MAPRE2: variants seen among roughly 807,000 people sequenced by gnomAD.
MAPRE2 encodes the protein microtubule associated protein RP/EB family member 2.
Under a neutral mutation model 43.2 loss-of-function variants are expected in MAPRE2, and 13 were observed. The ratio of observed to expected loss-of-function variants is 0.30; its 90% CI spans 0.20 to 0.48. MAPRE2 has a LOEUF of 0.48. Among genes scored for constraint, MAPRE2 ranks in the 20% least tolerant of loss-of-function variants. MAPRE2 has a pLI of 0.99. For missense variants in MAPRE2, 161 were observed against 400.2 expected, an observed-to-expected ratio of 0.40 and a Z score of 5.10; for synonymous variants, 135 against 148.8, an observed-to-expected ratio of 0.91 and a Z score of 0.68.
chr18:35,138,917 G>T (rs78787170), intron 6 of MAPRE2, among the ~76,000 whole-genome samples: 1,928 of 152,216 alleles, frequency 0.013, 41 homozygotes, highest in African/African-American at 0.044. Flanking sequence ...GATAGTCTCA[G>T]TCATTCATCC....
In MAPRE2 at chr18:35,142,833, C is replaced by T. The variant is rs887157892; in HGVS notation, c.*2464C>T. On this transcript the variant is annotated 3_prime_UTR_variant, in exon 7 of 7. Coordinates refer to ENST00000300249, the MANE Select transcript of MAPRE2 (RefSeq NM_014268.4). Reference sequence around the variant, plus strand: ...GTGGGACCCCATTATTCTCTCATCTCGGCATTCAGGGAACAGTTTCCTTAG... The same window carrying T: ...GTGGGACCCCATTATTCTCTCATCTTGGCATTCAGGGAACAGTTTCCTTAG... 6.6e-6 allele frequency: 1 copy of T among 152,148 alleles called. No individual in the cohort carries two copies. Among genetic ancestry groups the T allele is most frequent in the African/African-American group, 2.4e-5 (1 of 41,412 alleles). The allele number at this position is 152,148 out of a possible 1,614,324, so 9.4% of individuals were successfully genotyped here. A position where few individuals can be genotyped will look rare whatever the true frequency, so the allele number is the denominator to read the frequency against.
intron 2 of MAPRE2, 191 bp downstream of exon 2, chr18:35,070,513 G>A (rs1038086068): frequency 9.7e-6 from 4 of 413,932 alleles, no homozygotes; most frequent in African/African-American, 8.3e-5. Context: ...GCATCCAGGA[G>A]CACAAGCAGA....
At chr18:35,038,349 C>T (rs1887729038), upstream of MAPRE2, among the ~76,000 whole-genome samples, 3 of 152,212 alleles carry the variant, frequency 2.0e-5, no homozygotes, top group South Asian at 2.1e-4. Context: ...TAAGCCAACC[C>T]TCTCCTTAAC....
intron 2 of MAPRE2, among the ~76,000 whole-genome samples, chr18:35,007,587 G>A (rs1185735174): frequency 2.0e-5 from 3 of 152,200 alleles, no homozygotes; most frequent in South Asian, 2.1e-4. Context: ...ACAAAAACAG[G>A]CAATGGACTA....
chr18:35,060,865 C>T (rs1006119291), intron 1 of MAPRE2, among the ~76,000 whole-genome samples: 24 of 152,210 alleles, frequency 1.6e-4, no homozygotes, highest in Admixed American at 1.3e-3. Flanking sequence ...AGGTGACTTA[C>T]GGAATGTCCT....
intron 1 of MAPRE2, among the ~76,000 whole-genome samples, chr18:35,060,077 T>C (rs539242435): frequency 6.6e-6 from 1 of 152,212 alleles, no homozygotes; most frequent in Non-Finnish European, 1.5e-5. Context: ...GACTAACAAC[T>C]GAGCATGACC....
intron 1 of MAPRE2, among the ~76,000 whole-genome samples, chr18:34,988,292 T>C (rs1401542181): frequency 6.6e-6 from 1 of 152,198 alleles, no homozygotes; most frequent in Non-Finnish European, 1.5e-5. Flanking sequence ...CCTCACTTCT[T>C]TATGTCTGCT....
At chr18:35,099,561 G>A (rs1323402526) in intron 3 of MAPRE2, among the ~76,000 whole-genome samples, 7 of 152,170 alleles carry the variant, frequency 4.6e-5, no homozygotes, top group Non-Finnish European at 1.5e-5. Context: ...GCTGCAGTGA[G>A]GTATGGTTGT....
chr18:35,018,724 T>C (rs1182891354), intron 2 of MAPRE2, among the ~76,000 whole-genome samples: 1 of 151,958 alleles, frequency 6.6e-6, no homozygotes, highest in Admixed American at 6.6e-5. Flanking sequence ...TTTTCTGTGT[T>C]AATATAGCTA....
intron 5 of MAPRE2, among the ~76,000 whole-genome samples, chr18:35,130,409 C>G (rs1467118879): frequency 6.6e-6 from 1 of 152,118 alleles, no homozygotes; most frequent in Non-Finnish European, 1.5e-5. Context: ...TTGCAAGCAG[C>G]CACATGGGGG....
chr18:34,977,276 C>T (rs1450799071), intron 1 of MAPRE2, among the ~76,000 whole-genome samples: 1 of 152,140 alleles, frequency 6.6e-6, no homozygotes, highest in East Asian at 1.9e-4. Context: ...AGGCGGTCTC[C>T]GGGTGTGCAC....
At chr18:35,095,388 ACACACACACACACG>A (rs1908359587) in intron 2 of MAPRE2, among the ~76,000 whole-genome samples, 1 of 145,092 alleles carries the variant, frequency 6.9e-6, no homozygotes, top group Non-Finnish European at 1.5e-5. Flanking sequence ...ACACACACAC[ACACACACACACACG>A]CACACACACA....
chr18:35,085,861 C>T (rs1907850887), intron 2 of MAPRE2, among the ~76,000 whole-genome samples: 2 of 152,146 alleles, frequency 1.3e-5, no homozygotes, highest in African/African-American at 4.8e-5. Context: ...GATGAGAAGG[C>T]TCAGATCCAA....
chr18:35,110,191 ACTGT>A (rs1909115982), intron 4 of MAPRE2, among the ~76,000 whole-genome samples: 1 of 152,124 alleles, frequency 6.6e-6, no homozygotes, highest in Non-Finnish European at 1.5e-5. Context: ...TTAAACCTAC[ACTGT>A]CTAATACACG....
chr18:34,991,410 C>A (rs1008487589), intron 1 of MAPRE2, among the ~76,000 whole-genome samples: 1 of 152,172 alleles, frequency 6.6e-6, no homozygotes, highest in Non-Finnish European at 1.5e-5. Flanking sequence ...AAACAAGAAA[C>A]GTCTGTCCTA....
chr18:35,080,550 G>A, intron 2 of MAPRE2, among the ~76,000 whole-genome samples: 1 of 152,180 alleles, frequency 6.6e-6, no homozygotes, highest in Non-Finnish European at 1.5e-5. Flanking sequence ...TGAAATATTA[G>A]CAGGCATCTG....
At chr18:35,086,641 T>C (rs1941868096) in intron 2 of MAPRE2, among the ~76,000 whole-genome samples, 2 of 151,970 alleles carry the variant, frequency 1.3e-5, no homozygotes, top group African/African-American at 4.8e-5. Context: ...TTTTTACATA[T>C]AATTTCCTAA....
chr18:35,050,505 G>C (rs1201001965), intron 1 of MAPRE2, among the ~76,000 whole-genome samples: 1 of 152,222 alleles, frequency 6.6e-6, no homozygotes, highest in African/African-American at 2.4e-5. Flanking sequence ...GAAGCTGCCT[G>C]TGTGTTTTGT....
At chr18:35,079,474 T>G (rs1305996241) in intron 2 of MAPRE2, among the ~76,000 whole-genome samples, 4 of 152,220 alleles carry the variant, frequency 2.6e-5, no homozygotes, top group Non-Finnish European at 5.9e-5. Flanking sequence ...GACTTACTAA[T>G]GCAACATTTA....
Sources: allele counts gnomAD v4.1 joint callset (sites outside exome capture counted in the v4.1 genomes callset), GRCh38; gene constraint gnomAD v4.1.1; transcripts MANE v1.5; gene names NCBI Gene and HGNC (gene_info 2026-07-23, HGNC 2026-07-21).